Variants in PDGFC observed in about 807,000 individuals in gnomAD.
PDGFC encodes the protein platelet derived growth factor C.
Under a neutral mutation model 35.5 loss-of-function variants are expected in PDGFC, and 12 were observed. The ratio of observed to expected loss-of-function variants is 0.34; its 90% confidence interval spans 0.22 to 0.55. The LOEUF (loss-of-function observed/expected upper bound fraction) is 0.55. Ranked by LOEUF, PDGFC falls within the 20% of genes least tolerant of loss-of-function variation. The pLI, the probability that PDGFC is intolerant of heterozygous loss-of-function variation, is 0.91. For missense variants in PDGFC, 322 were observed against 412.4 expected (o/e 0.78, Z 1.90); for synonymous variants, 159 against 148.8 (o/e 1.07, Z -0.50).
At chr4:156,794,995 C>A (rs892612400) in intron 3 of PDGFC, among the ~76,000 whole-genome samples, 1 of 152,192 alleles carries the variant, frequency 6.6e-6, no homozygotes, top group Non-Finnish European at 1.5e-5. Flanking sequence ...AACCACTTCT[C>A]CTATGCATGT....
intron 1 of PDGFC, among the ~76,000 whole-genome samples, chr4:156,918,932 TAA>T (rs1263600637): frequency 1.3e-5 from 2 of 152,246 alleles, no homozygotes; most frequent in East Asian, 3.8e-4. Flanking sequence ...GTATTATATT[TAA>T]TTATATTGTA....
At chr4:156,844,837 A>G (rs1483468528) in intron 2 of PDGFC, among the ~76,000 whole-genome samples, 1 of 151,994 alleles carries the variant, frequency 6.6e-6, no homozygotes, top group Non-Finnish European at 1.5e-5. Flanking sequence ...AATATATGTA[A>G]CCTCTATTAA....
At chr4:156,966,518 A>G (rs1732470614) in intron 1 of PDGFC, among the ~76,000 whole-genome samples, 1 of 152,154 alleles carries the variant, frequency 6.6e-6, no homozygotes, top group Non-Finnish European at 1.5e-5. Context: ...TCACTTTATC[A>G]TTAGAATTTT....
At chr4:156,783,076 GA>G (rs1579005526) in intron 3 of PDGFC, among the ~76,000 whole-genome samples, 1 of 152,138 alleles carries the variant, frequency 6.6e-6, no homozygotes, top group Non-Finnish European at 1.5e-5. Context: ...TAGAGAATTA[GA>G]AAGTAATTAT....
intron 3 of PDGFC, chr4:156,774,345 C>G (rs1730765231): frequency 6.6e-6 from 1 of 152,264 alleles, no homozygotes; most frequent in Non-Finnish European, 1.5e-5. Flanking sequence ...AACTCTCCCC[C>G]CGTTGATCCA....
chr4:156,930,631 G>C (rs2110874645), intron 1 of PDGFC, among the ~76,000 whole-genome samples: 1 of 152,324 alleles, frequency 6.6e-6, no homozygotes, highest in African/African-American at 2.4e-5. Flanking sequence ...ACTTTGGGAG[G>C]CCGAGGTGGG....
At chr4:156,805,886 A>C (rs1457085148) in intron 3 of PDGFC, among the ~76,000 whole-genome samples, 3 of 152,114 alleles carry the variant, frequency 2.0e-5, no homozygotes, top group African/African-American at 7.2e-5. Context: ...ATAGCACCTC[A>C]GGCATCAAGT....
At chr4:156,852,650 CA>C (rs1173408272) in intron 1 of PDGFC, among the ~76,000 whole-genome samples, 6 of 152,090 alleles carry the variant, frequency 3.9e-5, no homozygotes, top group Admixed American at 6.5e-5. Context: ...ATATTACTCC[CA>C]TGATTAGGTT....
At chr4:156,968,176 CCGAGGTACCTGATT>C (rs1732509761) in intron 1 of PDGFC, among the ~76,000 whole-genome samples, 1 of 152,018 alleles carries the variant, frequency 6.6e-6, no homozygotes, top group African/African-American at 2.4e-5. Context: ...ACTGAGCAGC[CCGAGGTACCTGATT>C]GAGTAATCAC....
chr4:156,795,938 G>A (rs1019922497), intron 3 of PDGFC, among the ~76,000 whole-genome samples: 5 of 152,134 alleles, frequency 3.3e-5, no homozygotes, highest in Non-Finnish European at 7.4e-5. Context: ...ATTAATCTCT[G>A]TCGTGGAGGC....
intron 3 of PDGFC, chr4:156,778,258 A>G: frequency 2.8e-6 from 1 of 352,812 alleles, no homozygotes; most frequent in Non-Finnish European, 6.0e-6. Context: ...TGCCAAAACG[A>G]GAATCTGCTA....
intron 1 of PDGFC, among the ~76,000 whole-genome samples, chr4:156,894,765 G>GT (rs1184043624): frequency 6.6e-6 from 1 of 151,868 alleles, no homozygotes; most frequent in African/African-American, 2.4e-5. Flanking sequence ...CTCTAAAAAG[G>GT]TAACAACAAA....
At chr4:156,883,607 C>T (rs1473323032) in intron 1 of PDGFC, among the ~76,000 whole-genome samples, 1 of 152,168 alleles carries the variant, frequency 6.6e-6, no homozygotes, top group African/African-American at 2.4e-5. Flanking sequence ...AACAAATTAA[C>T]TAGAATACCG....
At chr4:156,935,970 A>G (rs1731670248) in intron 1 of PDGFC, among the ~76,000 whole-genome samples, 1 of 152,164 alleles carries the variant, frequency 6.6e-6, no homozygotes, top group South Asian at 2.1e-4. Flanking sequence ...ACAGGGGAGG[A>G]AAAAACCTGA....
chr4:156,824,130 C>T (rs969828285), intron 2 of PDGFC, among the ~76,000 whole-genome samples: 8 of 151,512 alleles, frequency 5.3e-5, no homozygotes, highest in African/African-American at 1.2e-4. Context: ...ACAAAGTTTT[C>T]GTTAGACTGT....
intron 3 of PDGFC, among the ~76,000 whole-genome samples, chr4:156,788,809 T>G (rs919324712): frequency 3.9e-5 from 6 of 152,238 alleles, no homozygotes; most frequent in African/African-American, 1.4e-4. Context: ...AATGTCTTCC[T>G]TATTCACTGA....
chr4:156,905,246 T>C (rs894415410), intron 1 of PDGFC, among the ~76,000 whole-genome samples: 19 of 152,186 alleles, frequency 1.2e-4, no homozygotes, highest in African/African-American at 4.6e-4. Flanking sequence ...AGTTTGGCAA[T>C]CTGAGAGCAC....
At chr4:156,875,078 T>C (rs913696066) in intron 1 of PDGFC, among the ~76,000 whole-genome samples, 1 of 152,080 alleles carries the variant, frequency 6.6e-6, no homozygotes, top group Non-Finnish European at 1.5e-5. Flanking sequence ...ACCTCCTATG[T>C]GTATGGCCAT....
intron 1 of PDGFC, among the ~76,000 whole-genome samples, chr4:156,908,726 G>A (rs770227216): frequency 6.6e-6 from 1 of 152,104 alleles, no homozygotes; most frequent in Non-Finnish European, 1.5e-5. Flanking sequence ...ATCCAAGCCA[G>A]TTATCTCTTA....
Sources: gnomAD v4.1 joint callset for allele counts (sites outside exome capture counted in the v4.1 genomes callset) on GRCh38, gnomAD v4.1.1 for gene constraint, MANE v1.5 for transcripts, NCBI Gene and HGNC (gene_info 2026-07-23, HGNC 2026-07-21) for gene names.